Variants in DIP2B observed in about 807,000 individuals in gnomAD.
DIP2B encodes the protein DIP2 acetate--CoA ligase B (putative).
A neutral mutation model predicts 198.0 loss-of-function variants in DIP2B; 76 were observed. The ratio of observed to expected loss-of-function variants is 0.38; its 90% confidence interval spans 0.32 to 0.46. The LOEUF (loss-of-function observed/expected upper bound fraction) is 0.46. Ranked by LOEUF, DIP2B falls within the 20% of genes least tolerant of loss-of-function variation. DIP2B has a pLI of 0.99. For synonymous variants in DIP2B, 701 were observed against 739.1 expected (o/e 0.95, Z 0.84); for missense variants, 1,559 against 1,978.4 (o/e 0.79, Z 4.02).
chr12:50,687,720 C>T (rs762809952), intron 12 of DIP2B, among the ~76,000 whole-genome samples: 4 of 151,730 alleles, frequency 2.6e-5, no homozygotes, highest in East Asian at 1.9e-4. Flanking sequence ...AATATCACAC[C>T]GGGGCCTGTT....
intron 3 of DIP2B, among the ~76,000 whole-genome samples, chr12:50,643,296 C>T (rs1341317315): frequency 1.3e-5 from 2 of 151,956 alleles, no homozygotes; most frequent in South Asian, 2.1e-4. Flanking sequence ...TATTAGAAAG[C>T]GTATGCTGTG....
intron 1 of DIP2B, among the ~76,000 whole-genome samples, chr12:50,573,652 C>CATGATTGG (rs1443216208): frequency 6.6e-6 from 1 of 152,160 alleles, no homozygotes; most frequent in African/African-American, 2.4e-5. Flanking sequence ...AATGGAATCC[C>CATGATTGG]ATGATTGGCA....
chr12:50,693,816 T>C (rs950991381), intron 14 of DIP2B, among the ~76,000 whole-genome samples: 1 of 152,190 alleles, frequency 6.6e-6, no homozygotes, highest in African/African-American at 2.4e-5. Context: ...TCACCAGAGC[T>C]AGAAACTTGG....
chr12:50,607,960 A>C (rs1327617822), intron 1 of DIP2B, among the ~76,000 whole-genome samples: 1 of 151,972 alleles, frequency 6.6e-6, no homozygotes, highest in Non-Finnish European at 1.5e-5. Flanking sequence ...CGCCCGGCTA[A>C]TTTTGTATTT....
At chr12:50,573,749 G>A (rs1958635117) in intron 1 of DIP2B, among the ~76,000 whole-genome samples, 1 of 152,194 alleles carries the variant, frequency 6.6e-6, no homozygotes, top group African/African-American at 2.4e-5. Context: ...TTTGCAGAAT[G>A]TGTATTTTCC....
chr12:50,607,305 C>T (rs1035095969), intron 1 of DIP2B, among the ~76,000 whole-genome samples: 2 of 151,958 alleles, frequency 1.3e-5, no homozygotes, highest in African/African-American at 4.8e-5. Flanking sequence ...AAACAAGGAC[C>T]CAGGAAACTT....
At chr12:50,674,931 G>T (rs528899874) in intron 6 of DIP2B, among the ~76,000 whole-genome samples, 1 of 152,160 alleles carries the variant, frequency 6.6e-6, no homozygotes, top group Admixed American at 6.5e-5. Context: ...TTGGGAGGCC[G>T]CGGTGGGCAG....
At chr12:50,567,609 C>T (rs550610474) in intron 1 of DIP2B, among the ~76,000 whole-genome samples, 1 of 152,236 alleles carries the variant, frequency 6.6e-6, no homozygotes, top group Admixed American at 6.5e-5. Context: ...CTTACTGCAA[C>T]CTTTACCACC....
intron 22 of DIP2B, among the ~76,000 whole-genome samples, chr12:50,710,018 A>C (rs1405817518): frequency 1.3e-5 from 2 of 152,204 alleles, no homozygotes; most frequent in African/African-American, 4.8e-5. Context: ...CTCCAATTAG[A>C]GAGGACCACT....
At position 50,564,641 on chromosome 12, in the gene DIP2B, G is replaced by C. The variant is rs79731812; in HGVS notation, c.100+59401G>C. 1.0e-3 allele frequency among the ~76,000 whole-genome samples: 154 copies of C among 152,058 alleles called. 2 individuals carry two copies. In the East Asian group the frequency reaches 0.015, roughly 15 times the overall value. Reference sequence around the variant, plus strand: ...TGTGAATTACCTGTTCATATCCCTGGCCCACTTCTTTAATTAGAGTTTCTG... The same window carrying C: ...TGTGAATTACCTGTTCATATCCCTGCCCCACTTCTTTAATTAGAGTTTCTG... On this transcript the variant is annotated intron_variant, in intron 1 of 37. Transcript: ENST00000301180.
intron 1 of DIP2B, among the ~76,000 whole-genome samples, chr12:50,553,839 A>G (rs1046912899): frequency 2.0e-5 from 3 of 152,042 alleles, no homozygotes; most frequent in African/African-American, 7.2e-5. Flanking sequence ...TTTTTTGTGG[A>G]GATGAGGTCT....
chr12:50,528,435 CAA>C (rs937114660), intron 1 of DIP2B, among the ~76,000 whole-genome samples: 4 of 129,898 alleles, frequency 3.1e-5, no homozygotes. Flanking sequence ...ACCTGCTTTC[CAA>C]AAAAAAAAAA....
At position 50,505,097 on chromosome 12, in the gene DIP2B, C is replaced by T. The variant is rs761602620; in HGVS notation, c.-44C>T. 11 of 1,509,402 alleles carry T rather than the reference C, an allele frequency of 7.3e-6. No individual in the cohort carries two copies. The highest frequency in any genetic ancestry group is 2.1e-4 in the Middle Eastern group (1 of 4,710). The allele number at this position is 1,509,402 out of a possible 1,614,324, so 93.5% of individuals were successfully genotyped here. On this transcript the variant is annotated 5_prime_UTR_variant, in exon 1 of 38. Transcript: ENST00000301180. ...GGCCCGTGTCTGTCCGTCCCTCCTT[C>T]GGCCCCCTCTCTTGTCTTCCGGAGT... is the stretch of plus-strand genomic sequence containing the variant.
chr12:50,525,900 C>T (rs1239692307), intron 1 of DIP2B, among the ~76,000 whole-genome samples: 1 of 152,140 alleles, frequency 6.6e-6, no homozygotes, highest in Non-Finnish European at 1.5e-5. Flanking sequence ...CCTTAGAGAA[C>T]CTCCAAGGTT....
At position 50,744,162 on chromosome 12, in the gene DIP2B, TG is replaced by T. The variant is rs574228063; in HGVS notation, c.4479-423del. Among the ~76,000 whole-genome samples the T allele has an allele frequency of 2.6e-4, 40 of 152,252 alleles. 1 individual carries two copies. The highest frequency in any genetic ancestry group is 1.7e-3 in the Admixed American group (26 of 15,286). ...GACTACGGGTGCTCACCACCAAGTC[TG>T]GCTAATTTTTGTATTTTTAGTAGAG... On this transcript the variant is annotated intron_variant, in intron 37 of 37. Transcript: ENST00000301180.
At chr12:50,524,437 A>G (rs974794921) in intron 1 of DIP2B, among the ~76,000 whole-genome samples, 3 of 151,984 alleles carry the variant, frequency 2.0e-5, no homozygotes, top group African/African-American at 7.3e-5. Flanking sequence ...CTGACCCCTC[A>G]TCTTTTCCCC....
rs897217597 is a variant in DIP2B at position 50,515,025 on chromosome 12, T to G, written c.100+9785T>G. ...TTGCATGAGAATATGCTTGCTTTCA[T>G]GTGCTGGCCCTCTCTCCCTCTCTCG... On this transcript the variant is annotated intron_variant, in intron 1 of 37. Transcript: ENST00000301180. Among the ~76,000 whole-genome samples the G allele has an allele frequency of 3.3e-5, 5 of 152,060 alleles. No homozygotes were observed. The South Asian group carries it at 1.0e-3, about 32-fold the overall frequency.
rs371507451 is a variant in DIP2B at position 50,589,000 on chromosome 12, C to T, written c.101-36976C>T. ...GAGATCGAGACCATCCTGGCTAACA[C>T]GGTGAAACCCTGTCTCTACTAAAAA... On this transcript the variant is annotated intron_variant, in intron 1 of 37. Coordinates refer to ENST00000301180, the MANE Select transcript of DIP2B (RefSeq NM_173602.3). Among the ~76,000 whole-genome samples the T allele has an allele frequency of 4.7e-3, 717 of 151,724 alleles. 8 individuals carry two copies. Among genetic ancestry groups the T allele is most frequent in the African/African-American group, 0.016 (676 of 41,460 alleles).
intron 29 of DIP2B, among the ~76,000 whole-genome samples, chr12:50,728,301 C>T (rs1336904131): frequency 2.0e-5 from 3 of 151,582 alleles, no homozygotes; most frequent in East Asian, 1.9e-4. Flanking sequence ...GAGCTGAGAT[C>T]GTGCCATTGC....
Sources: gnomAD v4.1 joint callset for allele counts (sites outside exome capture counted in the v4.1 genomes callset) on GRCh38, gnomAD v4.1.1 for gene constraint, MANE v1.5 for transcripts, NCBI Gene and HGNC (gene_info 2026-07-23, HGNC 2026-07-21) for gene names.